SMPD4: variants seen among roughly 807,000 people sequenced by gnomAD.
SMPD4 encodes neutral sphingomyelinase 3.
SMPD4 carries 58 observed loss-of-function variants against 97.8 expected under a neutral mutation model. The ratio of observed to expected loss-of-function variants is 0.59; its 90% CI spans 0.48 to 0.74. SMPD4 has a LOEUF of 0.74. Ranked by LOEUF, SMPD4 falls within the 30% of genes least tolerant of loss-of-function variation. SMPD4 has a pLI of 0.00. For missense variants in SMPD4, 853 were observed against 1,080.5 expected (o/e 0.79, Z 2.95); for synonymous variants, 388 against 450.0 (o/e 0.86, Z 1.74).
At chr2:130,172,289 T>C (rs908042526) in intron 8 of SMPD4, 60 bp downstream of exon 8, 88 of 1,479,408 alleles carry the variant, frequency 5.9e-5, no homozygotes, top group Non-Finnish European at 7.6e-5. Context: ...CCGTGGGCGA[T>C]GCAAGTGACC....
At chr2:130,170,370 C>A (rs925436943) in intron 8 of SMPD4, among the ~76,000 whole-genome samples, 1 of 146,674 alleles carries the variant, frequency 6.8e-6, no homozygotes, top group African/African-American at 2.6e-5. Flanking sequence ...ACCTGTAGTC[C>A]CAGCTACTTG....
At chr2:130,156,911 C>T in intron 12 of SMPD4, 1 of 1,160,272 alleles carries the variant, frequency 8.6e-7, no homozygotes, top group East Asian at 2.6e-5. Context: ...GCACACACCT[C>T]ACCCTCCGTC....
intron 8 of SMPD4, among the ~76,000 whole-genome samples, chr2:130,169,474 A>G (rs1688234361): frequency 6.6e-6 from 1 of 151,600 alleles, no homozygotes; most frequent in Non-Finnish European, 1.5e-5. Context: ...TGGCTTAGAG[A>G]AAAAAAAACA....
At chr2:130,180,271 CTTTTTCTTTTTTCAGA>C (rs1689421522) in intron 1 of SMPD4, among the ~76,000 whole-genome samples, 1 of 146,712 alleles carries the variant, frequency 6.8e-6, no homozygotes, top group African/African-American at 2.5e-5. Context: ...CCAGCTTTCT[CTTTTTCTTTTTTCAGA>C]CGGAGTCTCG....
intron 17 of SMPD4, 67 bp downstream of exon 17, chr2:130,153,635 C>G (rs1686457365): frequency 3.2e-6 from 5 of 1,565,302 alleles, no homozygotes; most frequent in Middle Eastern, 3.8e-4. Flanking sequence ...TGACCACAGG[C>G]TGGGTGGAGT....
At chr2:130,165,129 AAAAAAAAAG>A (rs1337129865) in intron 9 of SMPD4, among the ~76,000 whole-genome samples, 1 of 149,798 alleles carries the variant, frequency 6.7e-6, no homozygotes, top group Non-Finnish European at 1.5e-5. Context: ...AAAAAAAAAA[AAAAAAAAAG>A]GGCTGGGCAC....
chr2:130,167,373 G>T, intron 9 of SMPD4, 85 bp downstream of exon 9: 1 of 1,586,400 alleles, frequency 6.3e-7, no homozygotes, highest in Non-Finnish European at 8.6e-7. Context: ...TGCCCACCTA[G>T]GCCTCGCAAA....
Position 130,154,488 on chromosome 2 carries a change from A to C in SMPD4, c.1454-6T>G, listed in dbSNP as rs1408227007. ...CTCCAGGAATAGCTGCTCACCTAGA[A>C]GGCAGGAGACGAACCTGGCACCCAC... On this transcript the variant is annotated splice_polypyrimidine_tract_variant and splice_region_variant and intron_variant, in intron 15 of 19. Transcript: ENST00000680298. 3.2e-6 allele frequency: 5 copies of C among 1,552,174 alleles called. No homozygotes were observed. The Admixed American group carries it at 5.9e-5, about 18-fold the overall frequency.
At chr2:130,158,062 C>G in intron 11 of SMPD4, 1 of 554,476 alleles carries the variant, frequency 1.8e-6, no homozygotes, top group South Asian at 2.1e-5. Context: ...ATCACTTCAG[C>G]CCAGGAGTTT....
chr2:130,153,788 C>T lies in SMPD4; in HGVS notation c.1807G>A (p.Asp603Asn), dbSNP rs756505909. 3.7e-6 allele frequency: 6 copies of T among 1,614,008 alleles called. No homozygotes were observed. The highest frequency in any genetic ancestry group is 2.2e-5 in the East Asian group (1 of 44,888). The change falls in exon 17 of 20, where the codon GAC (aspartate) becomes AAC (asparagine). Residue 603 changes from aspartate (D) to asparagine (N), a missense_variant. Physicochemically the swap from Asp to Asn is conservative, Grantham distance 23. Transcript: ENST00000680298. Reference protein sequence around the residue: ...MDTNGSYTANDLDEMGQDSVR... With the variant: ...MDTNGSYTANNLDEMGQDSVR... ...CTGTCTTGCCCCATCTCGTCCAGGT[C>T]GTTGGCTGTGTAGGAGCCATTGGTG...
intron 8 of SMPD4, among the ~76,000 whole-genome samples, chr2:130,170,155 T>A (rs1397568347): frequency 2.6e-5 from 4 of 152,096 alleles, no homozygotes; most frequent in African/African-American, 4.8e-5. Flanking sequence ...GACACTGCAC[T>A]CCAGCCTGTG....
At chr2:130,174,116 G>A (rs1688750293) in intron 3 of SMPD4, among the ~76,000 whole-genome samples, 1 of 152,172 alleles carries the variant, frequency 6.6e-6, no homozygotes, top group African/African-American at 2.4e-5. Flanking sequence ...GACTTCCTGG[G>A]CTCGAGCAAT....
At chr2:130,173,688 G>A (rs1177434379) in intron 3 of SMPD4, 32 bp from the exon 4 acceptor site, 5 of 1,613,154 alleles carry the variant, frequency 3.1e-6, no homozygotes, top group Non-Finnish European at 2.5e-6. Context: ...CCGCGTGCAG[G>A]ACCAGCACCC....
chr2:130,162,939 A>G lies in SMPD4; in HGVS notation c.864+1435T>C, dbSNP rs909970864. On this transcript the variant is annotated intron_variant, in intron 10 of 19. Coordinates refer to ENST00000680298, the MANE Select transcript of SMPD4 (RefSeq NM_017951.5). ...GGCCAAGAGGAAGCAAATGTGGGGA[A>G]GAAGGGAACTGCACCTCCTGCCCTC... Among the ~76,000 whole-genome samples, 19 of 152,206 alleles carry G rather than the reference A, an allele frequency of 1.2e-4. 1 individual carries two copies. The highest frequency in any genetic ancestry group is 4.6e-4 in the African/African-American group (19 of 41,456).
Position 130,153,326 on chromosome 2 carries a change from C to CTT in SMPD4, c.2017_2018insAA (p.Arg673GlnfsTer81). ...GAGACACGGGCCTCTCACCTGGTAC[C>CTT]GCCCCAGGGGCGTAAGGATGAGTCC... On this transcript the variant is annotated frameshift_variant, in exon 18 of 20. Transcript: ENST00000680298. LOFTEE classifies it high-confidence loss of function. 3 of 1,613,692 alleles carry CTT rather than the reference C, an allele frequency of 1.9e-6. No individual in the cohort carries two copies. Among genetic ancestry groups the CTT allele is most frequent in the Non-Finnish European group, 2.5e-6 (3 of 1,179,992 alleles).
In SMPD4 at chr2:130,153,109, G is replaced by A. The variant is rs143470110; in HGVS notation, c.2088C>T (p.Ile696=). 1,867 of 1,613,810 alleles carry A rather than the reference G, an allele frequency of 1.2e-3. 15 individuals are homozygous for A. The African/African-American group carries it at 0.02, about 17-fold the overall frequency. ...CCAAGCTGGCGATCTCATAGCTCCG[G>A]ATGGGCTGCAGCTCCGGGTCCCCCT... ...EYQGDPELQP[I]RSYEIASLVR... The change falls in exon 19 of 20, where the codon ATC becomes ATT. Residue 696 remains isoleucine, a synonymous_variant. Transcript: ENST00000680298.
At chr2:130,162,141 G>A (rs1687486425) in intron 10 of SMPD4, among the ~76,000 whole-genome samples, 1 of 152,262 alleles carries the variant, frequency 6.6e-6, no homozygotes, top group Non-Finnish European at 1.5e-5. Context: ...AGATACAGTG[G>A]GTTCCCAAGG....
In SMPD4 at chr2:130,161,241, G is replaced by C; in HGVS notation, c.896C>G (p.Ser299Cys). Residue 299 changes from serine (S) to cysteine (C), a missense_variant, in exon 11 of 20, where the codon TCC becomes TGC. Transcript: ENST00000680298. Reference protein sequence around the residue: ...LEVLHYRLSVSSALYSPAQPS... With the variant: ...LEVLHYRLSVCSALYSPAQPS... ...TTGGGCGGGGCTGTAGAGGGCGCTG[G>C]AGACACTGAGTCGGTAGTGCAGAAC... is the stretch of plus-strand genomic sequence containing the variant. 2 of 1,614,048 alleles carry C rather than the reference G, an allele frequency of 1.2e-6. No individual in the cohort carries two copies. Among genetic ancestry groups the C allele is most frequent in the Admixed American group, 1.7e-5 (1 of 60,020 alleles).
At chr2:130,179,459 T>C (rs1293510927) in intron 1 of SMPD4, among the ~76,000 whole-genome samples, 1 of 151,348 alleles carries the variant, frequency 6.6e-6, no homozygotes, top group Non-Finnish European at 1.5e-5. Flanking sequence ...CTCCATCATC[T>C]CACTGCAACC....
Sources: allele counts gnomAD v4.1 joint callset (sites outside exome capture counted in the v4.1 genomes callset), GRCh38; gene constraint gnomAD v4.1.1; transcripts MANE v1.5; gene names NCBI Gene and HGNC (gene_info 2026-07-23, HGNC 2026-07-21).